The following HCRTR2 variants were observed in gnomAD, a reference collection of about 807,000 sequenced individuals.
The protein encoded by HCRTR2 is hypocretin receptor 2.
Under a neutral mutation model 49.0 loss-of-function variants are expected in HCRTR2, and 22 were observed. That is an observed-to-expected ratio of 0.45 (90% CI 0.32 to 0.64). The LOEUF (loss-of-function observed/expected upper bound fraction) is 0.64. Among genes scored for constraint, HCRTR2 ranks in the 30% least tolerant of loss-of-function variants. The pLI, the probability that HCRTR2 is intolerant of heterozygous loss-of-function variation, is 0.04. For missense variants in HCRTR2, 491 were observed against 559.4 expected (o/e 0.88, Z 1.23); for synonymous variants, 236 against 205.3 (o/e 1.15, Z -1.28).
chr6:55,198,027 G>A (rs1043387180), intron 1 of HCRTR2, among the ~76,000 whole-genome samples: 1 of 152,074 alleles, frequency 6.6e-6, no homozygotes, highest in African/African-American at 2.4e-5. Context: ...ATTCTAACAA[G>A]AAACTCAATC....
At chr6:55,276,100 G>C (rs1428767705) in intron 4 of HCRTR2, among the ~76,000 whole-genome samples, 2 of 152,118 alleles carry the variant, frequency 1.3e-5, no homozygotes, top group African/African-American at 2.4e-5. Flanking sequence ...GAGAGTCACA[G>C]AAGAGAAAGT....
chr6:55,151,248 CTGTG>C (rs1184668466), intron 1 of HCRTR2, among the ~76,000 whole-genome samples: 1 of 151,932 alleles, frequency 6.6e-6, no homozygotes, highest in Non-Finnish European at 1.5e-5. Context: ...AAAAATTTCT[CTGTG>C]TTATGCAATG....
At chr6:55,278,746 ATTATTATTATTT>A (rs1020713392) in intron 5 of HCRTR2, among the ~76,000 whole-genome samples, 3 of 146,038 alleles carry the variant, frequency 2.1e-5, no homozygotes, top group African/African-American at 7.6e-5. Flanking sequence ...TATTATTATT[ATTATTATTATTT>A]TTGCTAACAG....
chr6:55,172,248 C>T (rs1764961426), upstream of HCRTR2, among the ~76,000 whole-genome samples: 1 of 152,162 alleles, frequency 6.6e-6, no homozygotes, highest in South Asian at 2.1e-4. Context: ...TATATCATCT[C>T]TTAATAGAGC....
chr6:55,108,712 G>T (rs757619227), intron 1 of HCRTR2, among the ~76,000 whole-genome samples: 2 of 152,016 alleles, frequency 1.3e-5, no homozygotes, highest in Non-Finnish European at 2.9e-5. Context: ...GGTGTCCTTG[G>T]GGAGGGCTGC....
intron 1 of HCRTR2, among the ~76,000 whole-genome samples, chr6:55,197,280 G>A (rs1765433760): frequency 1.3e-5 from 2 of 152,060 alleles, no homozygotes; most frequent in Admixed American, 6.5e-5. Flanking sequence ...GATTCCAATT[G>A]TAATCTAAAC....
chr6:55,128,400 T>G (rs1307010608), intron 1 of HCRTR2, among the ~76,000 whole-genome samples: 3 of 152,204 alleles, frequency 2.0e-5, no homozygotes, highest in Admixed American at 6.5e-5. Context: ...GCCTTGGGTA[T>G]TCACGCTCTT....
At chr6:55,134,005 C>T (rs1000859597) in intron 1 of HCRTR2, among the ~76,000 whole-genome samples, 1 of 151,734 alleles carries the variant, frequency 6.6e-6, no homozygotes, top group African/African-American at 2.4e-5. Flanking sequence ...TGAAATTGTC[C>T]TAATGAAAAT....
At chr6:55,265,246 G>A (rs991943710) in intron 4 of HCRTR2, among the ~76,000 whole-genome samples, 3 of 152,062 alleles carry the variant, frequency 2.0e-5, no homozygotes, top group African/African-American at 7.2e-5. Context: ...TCCCTATGAA[G>A]CCAATGCTTA....
chr6:55,145,274 AG>A (rs1404838361), intron 1 of HCRTR2, among the ~76,000 whole-genome samples: 1 of 152,220 alleles, frequency 6.6e-6, no homozygotes, highest in African/African-American at 2.4e-5. Context: ...TACAAAACAA[AG>A]AAAAACCAAA....
chr6:55,177,499 C>T (rs1318858387), intron 1 of HCRTR2, among the ~76,000 whole-genome samples: 1 of 152,088 alleles, frequency 6.6e-6, no homozygotes, highest in Admixed American at 6.6e-5. Flanking sequence ...CAGGATGTCA[C>T]ATGATTTATG....
intron 4 of HCRTR2, among the ~76,000 whole-genome samples, chr6:55,272,418 C>T (rs557016885): frequency 1.3e-5 from 2 of 152,092 alleles, no homozygotes; most frequent in South Asian, 4.2e-4. Flanking sequence ...TGAAAATGTT[C>T]TAGATTAGTT....
At chr6:55,142,979 A>T (rs62418282) in intron 1 of HCRTR2, among the ~76,000 whole-genome samples, 6 of 70,696 alleles carry the variant, frequency 8.5e-5, no homozygotes, top group African/African-American at 2.6e-4. Context: ...TTATGATAGA[A>T]AGATGATAGA....
chr6:55,229,468 C>T (rs759468711), intron 1 of HCRTR2, among the ~76,000 whole-genome samples: 5 of 152,146 alleles, frequency 3.3e-5, no homozygotes, highest in South Asian at 2.1e-4. Context: ...TTGCAGTAGT[C>T]TTCACAAAAC....
chr6:55,282,899 A>T (rs2653351), downstream of HCRTR2, among the ~76,000 whole-genome samples: 84,357 of 150,978 alleles, frequency 0.56, 23,629 homozygotes, highest in Middle Eastern at 0.66. Flanking sequence ...TAGTTTTTTT[A>T]AAAAAAATCA....
At chr6:55,253,519 A>G (rs1029949479) in intron 2 of HCRTR2, among the ~76,000 whole-genome samples, 1 of 152,170 alleles carries the variant, frequency 6.6e-6, no homozygotes. Context: ...ACTGCCTTCA[A>G]TTAAGGCTCA....
chr6:55,217,425 T>C (rs1420813989), intron 1 of HCRTR2, among the ~76,000 whole-genome samples: 1 of 152,154 alleles, frequency 6.6e-6, no homozygotes. Flanking sequence ...TGGCCAAAAG[T>C]AACCACACAG....
At position 55,280,313 on chromosome 6, in the gene HCRTR2, T is replaced by G. The variant is rs749218027; in HGVS notation, c.984-10T>G. On this transcript the variant is annotated splice_polypyrimidine_tract_variant and intron_variant, in intron 5 of 6. Transcript: ENST00000370862. ...TAAAAGACACTTTTCTGTTGTTTCTTTTCCTGCAGAGTATTTGGGATGTTT... is the reference window on the plus strand; with the variant it reads ...TAAAAGACACTTTTCTGTTGTTTCTGTTCCTGCAGAGTATTTGGGATGTTT... The G allele has an allele frequency of 6.4e-7, 1 of 1,562,092 alleles. No homozygotes were observed. The highest frequency in any genetic ancestry group is 8.8e-7 in the Non-Finnish European group (1 of 1,133,800).
At chr6:55,204,794 C>T (rs1466517890) in intron 1 of HCRTR2, among the ~76,000 whole-genome samples, 1 of 152,058 alleles carries the variant, frequency 6.6e-6, no homozygotes, top group Non-Finnish European at 1.5e-5. Flanking sequence ...CTCCCCTCCC[C>T]TTCCCTTTGG....
Sources: allele counts gnomAD v4.1 joint callset (sites outside exome capture counted in the v4.1 genomes callset), GRCh38; gene constraint gnomAD v4.1.1; transcripts MANE v1.5; gene names NCBI Gene and HGNC (gene_info 2026-07-23, HGNC 2026-07-21).